The following COL5A1 variants were observed in gnomAD, a reference collection of about 807,000 sequenced individuals.
COL5A1 encodes the protein collagen type V alpha 1 chain.
In COL5A1, 16 loss-of-function variants were observed where a neutral mutation model predicts 263.7. The ratio of observed to expected loss-of-function variants is 0.06; its 90% CI spans 0.04 to 0.09. The LOEUF is 0.09. COL5A1 is among the 10% of genes least tolerant of loss of function. COL5A1 has a pLI of 1.00. For synonymous variants in COL5A1, 1,012 were observed against 1,004.5 expected (o/e 1.01, Z -0.14); for missense variants, 2,036 against 2,540.5 (o/e 0.80, Z 4.27).
Position 134,820,157 on chromosome 9 carries a change from A to T in COL5A1, c.4488A>T (p.Glu1496Asp). The change falls in exon 58 of 66, where the codon GAA (glutamate) becomes GAT (aspartate). Residue 1496 changes from glutamate (E) to aspartate (D), a missense_variant. Transcript: ENST00000371817. ...GLIGLIGPPG[E>D]QGEKGDRGLP... ...TCGGGCTCATCGGTCCTCCGGGTGA[A>T]CAGGGTGAGAAGGGCGACCGTGGTC... 6.2e-7 allele frequency: 1 copy of T among 1,614,016 alleles called. No homozygotes were observed. Among genetic ancestry groups the T allele is most frequent in the Non-Finnish European group, 8.5e-7 (1 of 1,179,988 alleles).
At chr9:134,747,754 C>T (rs1481307006) in intron 11 of COL5A1, among the ~76,000 whole-genome samples, 4 of 148,280 alleles carry the variant, frequency 2.7e-5, no homozygotes, top group Non-Finnish European at 5.9e-5. Context: ...CACATGCACA[C>T]ATGCATTCAT....
chr9:134,685,430 C>CCACCAT (rs1833015265), intron 1 of COL5A1, among the ~76,000 whole-genome samples: 2 of 2,164 alleles, frequency 9.2e-4, no homozygotes, highest in Non-Finnish European at 3.2e-3. Flanking sequence ...ATCCATCCAT[C>CCACCAT]CATCCATCCA....
chr9:134,815,665 C>G, intron 51 of COL5A1, 36 bp downstream of exon 51: 1 of 1,607,872 alleles, frequency 6.2e-7, no homozygotes, highest in Non-Finnish European at 8.5e-7. Flanking sequence ...CCGGATCCCC[C>G]ACAGTGCTGG....
intron 65 of COL5A1, among the ~76,000 whole-genome samples, chr9:134,837,643 C>T (rs1442463273): frequency 6.6e-6 from 1 of 151,670 alleles, no homozygotes; most frequent in Non-Finnish European, 1.5e-5. Flanking sequence ...CATTTAAATT[C>T]CACAAGCAGA....
Position 134,766,244 on chromosome 9 carries a change from A to G in COL5A1, c.2089-210A>G, listed in dbSNP as rs12338381. Among the ~76,000 whole-genome samples the G allele has an allele frequency of 0.053, 8,109 of 152,142 alleles. 586 individuals are homozygous for G. The highest frequency in any genetic ancestry group is 0.17 in the African/African-American group (6,977 of 41,432). The stretch of plus-strand genomic sequence containing the variant: ...GTGGAATGCTAGGGCCTGGCAGTTC[A>G]GTTAACCTTTAGCTGAGGGTTACTG... On this transcript the variant is annotated intron_variant, in intron 21 of 65. Transcript: ENST00000371817.
At chr9:134,817,194 G>A (rs1838789799) in intron 53 of COL5A1, 115 bp downstream of exon 53, 3 of 921,442 alleles carry the variant, frequency 3.3e-6, no homozygotes, top group East Asian at 5.1e-5. Flanking sequence ...GATGAGGAAG[G>A]GCTCGGGTGT....
At chr9:134,670,184 G>T (rs1471427734) in intron 1 of COL5A1, among the ~76,000 whole-genome samples, 1 of 152,140 alleles carries the variant, frequency 6.6e-6, no homozygotes, top group African/African-American at 2.4e-5. Context: ...TTCCTCTCAT[G>T]TTGGGTTTGG....
At chr9:134,679,961 CG>C (rs989874058) in intron 1 of COL5A1, among the ~76,000 whole-genome samples, 2 of 151,882 alleles carry the variant, frequency 1.3e-5, no homozygotes, top group Non-Finnish European at 2.9e-5. Context: ...CAGTCCACCC[CG>C]GGAGTGGGGT....
At chr9:134,695,220 G>A (rs991149746) in intron 2 of COL5A1, among the ~76,000 whole-genome samples, 12 of 152,144 alleles carry the variant, frequency 7.9e-5, no homozygotes, top group African/African-American at 2.9e-4. Context: ...GGACACCCAG[G>A]GTTGGGTGGA....
intron 36 of COL5A1, 127 bp from the exon 37 acceptor site, chr9:134,798,281 G>A: frequency 1.2e-6 from 1 of 860,512 alleles, no homozygotes; most frequent in South Asian, 1.4e-5. Flanking sequence ...CCAGGTGATT[G>A]CTTTTCTCAG....
intron 2 of COL5A1, among the ~76,000 whole-genome samples, chr9:134,695,780 C>G (rs145113251): frequency 1.3e-5 from 2 of 152,334 alleles, no homozygotes; most frequent in East Asian, 3.9e-4. Flanking sequence ...TCACTTCTGG[C>G]CATGACAAAT....
chr9:134,772,729 A>G, intron 25 of COL5A1, 61 bp from the exon 26 acceptor site: 1 of 1,537,278 alleles, frequency 6.5e-7, no homozygotes, highest in Non-Finnish European at 9.0e-7. Flanking sequence ...AGGGAGGGGA[A>G]GCGAGGGAGG....
intron 4 of COL5A1, among the ~76,000 whole-genome samples, chr9:134,712,024 CT>C (rs375039723): frequency 2.4e-4 from 28 of 115,118 alleles, no homozygotes; most frequent in South Asian, 7.4e-4. Context: ...CCCCTCCTTC[CT>C]TCCCCCCTTC....
At chr9:134,776,180 G>A (rs867739601) in intron 27 of COL5A1, among the ~76,000 whole-genome samples, 7 of 152,248 alleles carry the variant, frequency 4.6e-5, no homozygotes, top group African/African-American at 1.7e-4. Context: ...GGCGAGTCAG[G>A]TTTTTCCCTA....
At chr9:134,778,710 C>A (rs557587926) in intron 27 of COL5A1, among the ~76,000 whole-genome samples, 1 of 152,354 alleles carries the variant, frequency 6.6e-6, no homozygotes, top group African/African-American at 2.4e-5. Flanking sequence ...TGTCCCAGGC[C>A]TCTCCACTAG....
rs200076730 is a variant in COL5A1 at position 134,772,881 on chromosome 9, G to A, written c.2331+47G>A. 1.9e-3 allele frequency: 2,972 copies of A among 1,586,014 alleles called. 4 individuals are homozygous for A. The highest frequency in any genetic ancestry group is 2.4e-3 in the Non-Finnish European group (2,781 of 1,155,644). On this transcript the variant is annotated intron_variant, in intron 26 of 65. Transcript: ENST00000371817. ...CTACCCTTCAGCATCCAGGTGGGGC[G>A]GGTCCAGGTGCTCTGGGCTCAGCCT...
In COL5A1 at chr9:134,794,322, T is replaced by TAA. The variant is rs59916977; in HGVS notation, c.2701-746_2701-745dup. ...CCTGGCGGCAGAGCAAGACTCTGTC[T>TAA]AAAAAAAAAAAAAAAGAAACAAAAA... On this transcript the variant is annotated intron_variant, in intron 32 of 65. Coordinates refer to ENST00000371817, the MANE Select transcript of COL5A1 (RefSeq NM_000093.5). The surrounding 1 kb of genome is among the most constrained non-coding windows in gnomAD (Gnocchi z 4.3). 5.4e-3 allele frequency among the ~76,000 whole-genome samples: 764 copies of TAA among 140,896 alleles called. 10 individuals are homozygous for TAA. The highest frequency in any genetic ancestry group is 0.019 in the African/African-American group (714 of 38,116). 92.4% of individuals were successfully genotyped at this position (140,896 alleles called of 152,430 possible).
chr9:134,651,159 TTTC>T lies in COL5A1; in HGVS notation c.109+8873_109+8875del, dbSNP rs1196419025. The stretch of plus-strand genomic sequence containing the variant: ...TGCGTACCTGAAGCCTCTGCCTCGG[TTTC>T]TTCTTCTTCCTTTCAGATGCATAAA... On this transcript the variant is annotated intron_variant, in intron 1 of 65. Coordinates refer to ENST00000371817, the MANE Select transcript of COL5A1 (RefSeq NM_000093.5). 7.9e-5 allele frequency among the ~76,000 whole-genome samples: 12 copies of T among 152,306 alleles called. No individual in the cohort carries two copies. In the East Asian group the frequency reaches 1.2e-3, roughly 15 times the overall value.
Position 134,647,479 on chromosome 9 carries a change from T to G in COL5A1, c.109+5183T>G, listed in dbSNP as rs562156189. 6.6e-6 allele frequency among the ~76,000 whole-genome samples: 1 copy of G among 152,066 alleles called. No individual in the cohort carries two copies. Among genetic ancestry groups the G allele is most frequent in the Non-Finnish European group, 1.5e-5 (1 of 68,000 alleles). On this transcript the variant is annotated intron_variant, in intron 1 of 65. Coordinates refer to ENST00000371817, the MANE Select transcript of COL5A1 (RefSeq NM_000093.5). This position sits in a 1 kb window ranked among gnomAD's most constrained non-coding sequence, Gnocchi z 5.0. ...TGTGTTTGTGGGTATACATGTGTGTTTGAGTGTGCACGCATGCGCATCCTT... is the reference window on the plus strand; with the variant it reads ...TGTGTTTGTGGGTATACATGTGTGTGTGAGTGTGCACGCATGCGCATCCTT...
Sources: gnomAD v4.1 joint callset for allele counts (sites outside exome capture counted in the v4.1 genomes callset) on GRCh38, gnomAD v4.1.1 for gene constraint, Gnocchi (gnomAD v3.1) non-coding constraint, MANE v1.5 for transcripts, NCBI Gene and HGNC (gene_info 2026-07-23, HGNC 2026-07-21) for gene names.